KLHL32: variants seen among roughly 807,000 people sequenced by gnomAD.
KLHL32 encodes kelch like family member 32.
In KLHL32, 35 loss-of-function variants were observed where a neutral mutation model predicts 64.8. The observed-to-expected ratio is 0.54, with a 90% CI of 0.41 to 0.72. KLHL32 has a LOEUF of 0.72. Among genes scored for constraint, KLHL32 ranks in the 30% least tolerant of loss-of-function variants. KLHL32 has a pLI of 0.00. For synonymous variants in KLHL32, 259 were observed against 281.0 expected (o/e 0.92, Z 0.78); for missense variants, 589 against 768.5 (o/e 0.77, Z 2.76).
intron 1 of KLHL32, among the ~76,000 whole-genome samples, chr6:96,950,382 T>C (rs921356943): frequency 2.0e-4 from 31 of 152,180 alleles, no homozygotes; most frequent in Non-Finnish European, 4.3e-4. Context: ...TCAGTTAACA[T>C]GAAGCTCAAC....
intron 3 of KLHL32, among the ~76,000 whole-genome samples, chr6:97,029,216 A>G (rs1193799558): frequency 6.6e-6 from 1 of 152,182 alleles, no homozygotes; most frequent in Non-Finnish European, 1.5e-5. Flanking sequence ...TTCTAAACAG[A>G]CAGGATAAAC....
the KLHL32 span, among the ~76,000 whole-genome samples, chr6:96,899,142 C>T: frequency 7.1e-4 from 108 of 152,164 alleles, no homozygotes; most frequent in African/African-American, 2.5e-3. Flanking sequence ...ATTTAAATGC[C>T]CTTTATTTAA....
chr6:96,997,907 T>C (rs1446861794), intron 3 of KLHL32, among the ~76,000 whole-genome samples: 1 of 152,190 alleles, frequency 6.6e-6, no homozygotes, highest in Non-Finnish European at 1.5e-5. Context: ...GTAAATGGAA[T>C]CAATGTTGGA....
chr6:96,981,606 T>C (rs1478081178), intron 3 of KLHL32, among the ~76,000 whole-genome samples: 2 of 152,138 alleles, frequency 1.3e-5, no homozygotes, highest in Admixed American at 6.5e-5. Flanking sequence ...TGTGATTGGT[T>C]TGCTCTTGTT....
upstream of KLHL32, among the ~76,000 whole-genome samples, chr6:96,921,889 C>T (rs571918798): frequency 1.3e-5 from 2 of 152,122 alleles, no homozygotes; most frequent in Admixed American, 6.5e-5. Flanking sequence ...AAAAATGCTG[C>T]AGAAACTTGT....
intron 9 of KLHL32, 112 bp from the exon 10 acceptor site, chr6:97,132,541 G>T: frequency 1.4e-6 from 1 of 722,960 alleles, no homozygotes; most frequent in East Asian, 2.8e-5. Context: ...AAATCCCATG[G>T]AGTATACAAA....
intron 4 of KLHL32, among the ~76,000 whole-genome samples, chr6:97,054,914 G>A (rs1345197147): frequency 6.6e-6 from 1 of 151,994 alleles, no homozygotes; most frequent in Admixed American, 6.5e-5. Context: ...GCCCCAGCCT[G>A]GGCAACAGAG....
At chr6:97,013,142 A>G (rs537008444) in intron 3 of KLHL32, among the ~76,000 whole-genome samples, 1 of 152,330 alleles carries the variant, frequency 6.6e-6, no homozygotes, top group East Asian at 1.9e-4. Flanking sequence ...AAATAATTGT[A>G]CATTTTCTTG....
At chr6:97,081,109 G>A (rs72930989) in intron 5 of KLHL32, among the ~76,000 whole-genome samples, 49 of 152,304 alleles carry the variant, frequency 3.2e-4, no homozygotes, top group Non-Finnish European at 5.7e-4. Flanking sequence ...AGAGGGCACA[G>A]ACCACACCTC....
chr6:97,088,196 A>C (rs1306036034), intron 6 of KLHL32, among the ~76,000 whole-genome samples: 1 of 152,168 alleles, frequency 6.6e-6, no homozygotes, highest in African/African-American at 2.4e-5. Context: ...AAGTTCCCTA[A>C]AATATATTGT....
At chr6:96,978,214 G>C (rs1317855822) in intron 3 of KLHL32, among the ~76,000 whole-genome samples, 1 of 152,046 alleles carries the variant, frequency 6.6e-6, no homozygotes, top group African/African-American at 2.4e-5. Flanking sequence ...TTTCATGAGG[G>C]TTTGGTGTAC....
intron 10 of KLHL32, among the ~76,000 whole-genome samples, chr6:97,138,823 T>C (rs1190445181): frequency 6.6e-6 from 1 of 152,222 alleles, no homozygotes; most frequent in Non-Finnish European, 1.5e-5. Flanking sequence ...ATTTAACTTG[T>C]CTAAGGCAGT....
chr6:97,074,876 A>G (rs1791352473), intron 5 of KLHL32, among the ~76,000 whole-genome samples: 1 of 151,100 alleles, frequency 6.6e-6, no homozygotes, highest in African/African-American at 2.4e-5. Flanking sequence ...AAATATATAT[A>G]TATATTAATT....
At chr6:97,054,111 A>C (rs1166398146) in intron 4 of KLHL32, among the ~76,000 whole-genome samples, 1 of 152,168 alleles carries the variant, frequency 6.6e-6, no homozygotes, top group Non-Finnish European at 1.5e-5. Flanking sequence ...GCAACATGAT[A>C]GCAAAAATAT....
chr6:97,034,294 T>G (rs1766457), intron 3 of KLHL32, among the ~76,000 whole-genome samples: 17,782 of 152,206 alleles, frequency 0.12, 1,097 homozygotes, highest in African/African-American at 0.15. Flanking sequence ...CTATTGTGTG[T>G]TCTTGGCACC....
chr6:96,966,113 A>G (rs1774430222), intron 1 of KLHL32, among the ~76,000 whole-genome samples: 1 of 152,308 alleles, frequency 6.6e-6, no homozygotes, highest in Non-Finnish European at 1.5e-5. Context: ...TTCCTTTCAT[A>G]AGCACTTTCC....
rs150484427 is a variant in KLHL32, at chr6:97,004,453, T to G, written c.204+28276T>G. On this transcript the variant is annotated intron_variant, in intron 3 of 10. Coordinates refer to ENST00000369261, the MANE Select transcript of KLHL32 (RefSeq NM_052904.4). ...GATAGTTTGATTCCTGTCTTCCTAT[T>G]TGGATGCCTTTCATTTCTTTCTATT... Among the ~76,000 whole-genome samples the G allele has an allele frequency of 3.5e-3, 538 of 152,330 alleles. 2 individuals are homozygous for G. The highest frequency in any genetic ancestry group is 0.012 in the African/African-American group (517 of 41,578).
chr6:96,918,446 G>A, the KLHL32 span, among the ~76,000 whole-genome samples: 1 of 152,178 alleles, frequency 6.6e-6, no homozygotes, highest in African/African-American at 2.4e-5. Context: ...TAGTGAATGA[G>A]GTTAACAATT....
At chr6:96,951,880 G>A (rs72924797) in intron 1 of KLHL32, among the ~76,000 whole-genome samples, 19,014 of 152,114 alleles carry the variant, frequency 0.12, 1,511 homozygotes, top group East Asian at 0.26. Flanking sequence ...AGCAGGTCCT[G>A]GAGTAGCGTT....
Sources: gnomAD v4.1 joint callset for allele counts (sites outside exome capture counted in the v4.1 genomes callset) on GRCh38, gnomAD v4.1.1 for gene constraint, MANE v1.5 for transcripts, NCBI Gene and HGNC (gene_info 2026-07-23, HGNC 2026-07-21) for gene names.